Variants in ANXA7 observed in about 807,000 individuals in gnomAD.
ANXA7 encodes the protein annexin VII.
In ANXA7, 55 loss-of-function variants were observed where a neutral mutation model predicts 64.9. That is an observed-to-expected ratio of 0.85 (90% CI 0.68 to 1.06). The LOEUF (loss-of-function observed/expected upper bound fraction) is 1.06. Ranked by LOEUF, ANXA7 falls within the 50% of genes least tolerant of loss-of-function variation. ANXA7 has a pLI of 0.00. For synonymous variants in ANXA7, 200 were observed against 192.4 expected (o/e 1.04, Z -0.33); for missense variants, 548 against 582.1 (o/e 0.94, Z 0.60).
intron 12 of ANXA7, among the ~76,000 whole-genome samples, chr10:73,376,719 T>A (rs185491182): frequency 5.2e-4 from 79 of 152,056 alleles, no homozygotes; most frequent in Non-Finnish European, 9.0e-4. Context: ...TATTTGTACA[T>A]CCATGTTCAT....
In ANXA7 at chr10:73,388,352, T is replaced by C. The variant is rs1242912760; in HGVS notation, c.498A>G (p.Ile166Met). Residue 166 changes from isoleucine to methionine, a missense_variant, in exon 6 of 13, where the codon ATA becomes ATG. By Grantham distance (10) the Ile-to-Met change is conservative. Coordinates refer to ENST00000372921, the MANE Select transcript of ANXA7 (RefSeq NM_001156.5). The stretch of plus-strand genomic sequence containing the variant: ...CCTTACGAAGAATTTCTGCATCTCT[T>C]ATAGCATCGAAGTTGGCAGCTGGTC... ...TIRPAANFDA[I>M]RDAEILRKAM... 6.2e-7 allele frequency: 1 copy of C among 1,614,082 alleles called. No homozygotes were observed. Among genetic ancestry groups the C allele is most frequent in the Admixed American group, 1.7e-5 (1 of 60,024 alleles).
chr10:73,411,834 A>G (rs2055845120), intron 1 of ANXA7, among the ~76,000 whole-genome samples: 1 of 151,764 alleles, frequency 6.6e-6, no homozygotes, highest in South Asian at 2.1e-4. Context: ...TTTTTCTTTT[A>G]CCCATATATG....
Position 73,380,112 on chromosome 10 carries a change from C to A in ANXA7, c.1008G>T (p.Gly336=). The change falls in exon 10 of 13, where the codon GGG becomes GGT. Residue 336 remains glycine, a synonymous_variant. Coordinates refer to ENST00000372921, the MANE Select transcript of ANXA7 (RefSeq NM_001156.5). ...TCATGTTAAAGCAAGATTCATCGGT[C>A]CCTAGTCTCCCCTCACCAGCTTGAT... The part of the protein sequence containing the change: ...RLYQAGEGRL[G]TDESCFNMIL... The A allele has an allele frequency of 6.2e-7, 1 of 1,614,140 alleles. No homozygotes were observed. Among genetic ancestry groups the A allele is most frequent in the East Asian group, 2.2e-5 (1 of 44,876 alleles).
intron 2 of ANXA7, among the ~76,000 whole-genome samples, chr10:73,399,520 T>C (rs908658708): frequency 1.3e-5 from 2 of 152,138 alleles, no homozygotes; most frequent in African/African-American, 2.4e-5. Flanking sequence ...CCCACAGTTA[T>C]GAGTATAAAA....
chr10:73,401,793 CA>C (rs1355658930), intron 1 of ANXA7, among the ~76,000 whole-genome samples: 1 of 150,480 alleles, frequency 6.6e-6, no homozygotes, highest in Non-Finnish European at 1.5e-5. Context: ...TAAGCCACCT[CA>C]CCCGGCCAAG....
intron 5 of ANXA7, among the ~76,000 whole-genome samples, chr10:73,391,500 T>C (rs1426713059): frequency 6.6e-6 from 1 of 151,308 alleles, no homozygotes; most frequent in Non-Finnish European, 1.5e-5. Context: ...TAGTCCCAGT[T>C]ACTCAGGAGG....
chr10:73,384,568 A>T (rs2055331437), intron 7 of ANXA7, among the ~76,000 whole-genome samples: 1 of 151,888 alleles, frequency 6.6e-6, no homozygotes, highest in Non-Finnish European at 1.5e-5. Context: ...CGCCAGGCTA[A>T]TTTTTGTATT....
At chr10:73,407,690 A>G (rs980058932) in intron 1 of ANXA7, among the ~76,000 whole-genome samples, 4 of 152,254 alleles carry the variant, frequency 2.6e-5, no homozygotes, top group African/African-American at 9.6e-5. Context: ...CTGTGTAATG[A>G]GCACTGTCCT....
chr10:73,404,184 A>T (rs527987184), intron 1 of ANXA7, among the ~76,000 whole-genome samples: 3 of 152,338 alleles, frequency 2.0e-5, no homozygotes, highest in Non-Finnish European at 4.4e-5. Flanking sequence ...AGGGTGGTAG[A>T]GTGTGGTTAG....
intron 12 of ANXA7, among the ~76,000 whole-genome samples, chr10:73,376,602 G>A (rs147964138): frequency 2.9e-3 from 441 of 152,268 alleles, no homozygotes; most frequent in African/African-American, 9.5e-3. Flanking sequence ...AAACTAATAT[G>A]GTTAATTCCT....
intron 2 of ANXA7, among the ~76,000 whole-genome samples, chr10:73,399,265 C>T (rs2055622482): frequency 6.6e-6 from 1 of 152,168 alleles, no homozygotes; most frequent in Non-Finnish European, 1.5e-5. Flanking sequence ...GAAAGAAATA[C>T]ATTTGTTTTT....
intron 7 of ANXA7, among the ~76,000 whole-genome samples, chr10:73,387,178 T>C (rs1283610227): frequency 6.6e-6 from 1 of 152,114 alleles, no homozygotes; most frequent in Admixed American, 6.6e-5. Context: ...TGGGGTAAGG[T>C]ATGATTATGA....
At chr10:73,410,223 C>G (rs913675435) in intron 1 of ANXA7, among the ~76,000 whole-genome samples, 9 of 151,948 alleles carry the variant, frequency 5.9e-5, no homozygotes, top group Non-Finnish European at 1.3e-4. Context: ...ACAGACCACC[C>G]ACAGAATGGG....
intron 11 of ANXA7, 84 bp from the exon 12 acceptor site, chr10:73,379,107 G>T: frequency 1.1e-6 from 1 of 877,174 alleles, no homozygotes; most frequent in Non-Finnish European, 1.7e-6. Context: ...CTTATAGCCT[G>T]CCTTTGATTA....
chr10:73,396,699 T>C, intron 4 of ANXA7, 116 bp from the exon 5 acceptor site: 1 of 608,074 alleles, frequency 1.6e-6, no homozygotes, highest in Admixed American at 3.5e-5. Context: ...CACACTATGA[T>C]ACTTATGAGG....
At position 73,383,594 on chromosome 10, in the gene ANXA7, AGCTCCAGGCATCGTAATAC is replaced by A; in HGVS notation, c.711_729del (p.Tyr239GlyfsTer14). On this transcript the variant is annotated frameshift_variant, in exon 8 of 13. Transcript: ENST00000372921. LOFTEE classifies it high-confidence loss of function. Reference sequence around the variant, plus strand: ...AGTAGTACCTGCATTGCTTTCCGTAAGCTCCAGGCATCGTAATACGTAGGAGGCATGAAGAGGGCCAGGA... The same window carrying A: ...AGTAGTACCTGCATTGCTTTCCGTAAGTAGGAGGCATGAAGAGGGCCAGGA... 5.0e-6 allele frequency: 8 copies of A among 1,612,352 alleles called. No individual in the cohort carries two copies. Among genetic ancestry groups the A allele is most frequent in the Non-Finnish European group, 6.8e-6 (8 of 1,178,528 alleles).
intron 12 of ANXA7, among the ~76,000 whole-genome samples, chr10:73,377,773 G>GTGTGTGTGTGTGTGTGTGTGTGT (rs2055200570): frequency 8.0e-6 from 1 of 124,822 alleles, no homozygotes; most frequent in African/African-American, 3.2e-5. Context: ...GGTGGGTGTG[G>GTGTGTGTGTGTGTGTGTGTGTGT]GTGTGTGTGT....
At chr10:73,383,487 T>A in intron 8 of ANXA7, 90 bp downstream of exon 8, 2 of 1,273,128 alleles carry the variant, frequency 1.6e-6, no homozygotes, top group Non-Finnish European at 1.1e-6. Flanking sequence ...TTGCTTTAAT[T>A]ACCACTGTAA....
At chr10:73,406,392 T>A (rs189112770) in intron 1 of ANXA7, among the ~76,000 whole-genome samples, 1 of 152,334 alleles carries the variant, frequency 6.6e-6, no homozygotes, top group African/African-American at 2.4e-5. Context: ...TTCTTGCTTA[T>A]ACTCTGTCAC....
Sources: allele counts gnomAD v4.1 joint callset (sites outside exome capture counted in the v4.1 genomes callset), GRCh38; gene constraint gnomAD v4.1.1; transcripts MANE v1.5; gene names NCBI Gene and HGNC (gene_info 2026-07-23, HGNC 2026-07-21).